C9orf85: variants seen among roughly 807,000 people sequenced by gnomAD.
The protein encoded by C9orf85 is uncharacterized protein C9orf85.
C9orf85 carries 16 observed loss-of-function variants against 14.9 expected under a neutral mutation model. That is an observed-to-expected ratio of 1.08 (90% CI 0.73 to 1.63). The LOEUF (loss-of-function observed/expected upper bound fraction) is 1.63. Ranked by LOEUF, C9orf85 falls within the 40% of genes most tolerant of loss-of-function variation. C9orf85 has a pLI of 0.00. For missense variants in C9orf85, 172 were observed against 186.1 expected, an observed-to-expected ratio of 0.92 and a Z score of 0.44; for synonymous variants, 45 against 56.8, an observed-to-expected ratio of 0.79 and a Z score of 0.93.
At chr9:71,957,744 T>C (rs1299428467) in intron 2 of C9orf85, among the ~76,000 whole-genome samples, 1 of 152,164 alleles carries the variant, frequency 6.6e-6, no homozygotes, top group African/African-American at 2.4e-5. Context: ...CCATTCCTCA[T>C]AAACACGGTA....
intron 1 of C9orf85, among the ~76,000 whole-genome samples, chr9:71,935,911 G>T (rs78484365): frequency 2.1e-5 from 2 of 94,828 alleles, no homozygotes; most frequent in African/African-American, 7.4e-5. Flanking sequence ...GGGAGAAACA[G>T]AAAAAAAATA....
At chr9:71,978,879 C>T (rs1361145184) in intron 3 of C9orf85, among the ~76,000 whole-genome samples, 1 of 152,034 alleles carries the variant, frequency 6.6e-6, no homozygotes, top group East Asian at 1.9e-4. Context: ...ACTAAAAATA[C>T]AAAAAATTAG....
At chr9:71,953,525 G>A (rs1289883641) in intron 2 of C9orf85, among the ~76,000 whole-genome samples, 3 of 152,134 alleles carry the variant, frequency 2.0e-5, no homozygotes, top group African/African-American at 7.2e-5. Context: ...CATGTCATGA[G>A]GATGCTTTAT....
Position 71,973,081 on chromosome 9 carries a change from A to C in C9orf85, c.*239A>C. ...GATTGCTTGAACCCTGGAGGCGGAG[A>C]TTGAAGTGAGCTGAGTTCGTGCCAT... On this transcript the variant is annotated 3_prime_UTR_variant, in exon 4 of 4. Coordinates refer to ENST00000334731, the MANE Select transcript of C9orf85 (RefSeq NM_182505.5). 5.0e-6 allele frequency: 1 copy of C among 199,574 alleles called. No homozygotes were observed. Among genetic ancestry groups the C allele is most frequent in the African/African-American group, 2.3e-5 (1 of 43,178 alleles). The allele number at this position is 199,574 out of a possible 1,614,324, so 12.4% of individuals were successfully genotyped here. A position where few individuals can be genotyped will look rare whatever the true frequency, so the allele number is the denominator to read the frequency against.
intron 1 of C9orf85, chr9:71,912,065 C>T: frequency 3.9e-6 from 1 of 259,730 alleles, no homozygotes; most frequent in Non-Finnish European, 6.9e-6. Context: ...ACTAATTGCA[C>T]AGAGTGAACA....
downstream of C9orf85, chr9:71,984,073 C>A (rs963212381): frequency 4.6e-5 from 7 of 152,120 alleles, no homozygotes; most frequent in African/African-American, 1.7e-4. Flanking sequence ...GGTATTAGCC[C>A]GATTTTTCCT....
intron 2 of C9orf85, among the ~76,000 whole-genome samples, chr9:71,967,320 C>T (rs1589271393): frequency 6.6e-6 from 1 of 152,144 alleles, no homozygotes; most frequent in African/African-American, 2.4e-5. Flanking sequence ...TCTTGAAAAT[C>T]AGTTGGTCAT....
intron 1 of C9orf85, among the ~76,000 whole-genome samples, chr9:71,917,058 C>G (rs1827668256): frequency 6.6e-6 from 1 of 152,136 alleles, no homozygotes; most frequent in Admixed American, 6.6e-5. Context: ...TAGCACATGC[C>G]TCTTCATTGG....
chr9:71,916,900 C>A (rs912380152), intron 1 of C9orf85, among the ~76,000 whole-genome samples: 5 of 152,132 alleles, frequency 3.3e-5, no homozygotes, highest in Non-Finnish European at 7.3e-5. Flanking sequence ...GTATTAGGCA[C>A]TATGTTTAGG....
In C9orf85 at chr9:71,964,080, C is replaced by T. The variant is rs908277993; in HGVS notation, c.210-7425C>T. The stretch of plus-strand genomic sequence containing the variant: ...ACACCAATCAGCACCCTGTGTCTAG[C>T]TCAGGGTTTGTGAATGCACCAATCG... On this transcript the variant is annotated intron_variant, in intron 2 of 3. Coordinates refer to ENST00000334731, the MANE Select transcript of C9orf85 (RefSeq NM_182505.5). Among the ~76,000 whole-genome samples the T allele has an allele frequency of 1.3e-5, 2 of 152,084 alleles. 1 individual carries two copies. Among genetic ancestry groups the T allele is most frequent in the East Asian group, 3.9e-4 (2 of 5,172 alleles).
intron 3 of C9orf85, among the ~76,000 whole-genome samples, chr9:71,978,884 A>T (rs1286935706): frequency 6.6e-6 from 1 of 152,152 alleles, no homozygotes; most frequent in African/African-American, 2.4e-5. Context: ...AAATACAAAA[A>T]ATTAGCCGGG....
intron 2 of C9orf85, among the ~76,000 whole-genome samples, chr9:71,947,643 T>C (rs574928899): frequency 1.6e-4 from 24 of 152,144 alleles, no homozygotes; most frequent in African/African-American, 5.5e-4. Context: ...CTTTTTTTTT[T>C]TTCTTTCTTT....
chr9:71,912,891 A>T (rs1490644580), intron 1 of C9orf85, among the ~76,000 whole-genome samples: 2 of 152,038 alleles, frequency 1.3e-5, no homozygotes, highest in African/African-American at 2.4e-5. Context: ...AAAAACAAAA[A>T]CAAAAAACTA....
rs186745366 is a variant in C9orf85 at position 71,982,593 on chromosome 9, T to G, written c.324-64T>G. 8.8e-4 allele frequency: 344 copies of G among 392,736 alleles called. 4 individuals are homozygous for G. The highest frequency in any genetic ancestry group is 2.0e-3 in the South Asian group (108 of 53,084). The allele number at this position is 392,736 out of a possible 1,614,324, so 24.3% of individuals were successfully genotyped here. A position where few individuals can be genotyped will look rare whatever the true frequency, so the allele number is the denominator to read the frequency against. On this transcript the variant is annotated intron_variant, in intron 3 of 3. Coordinates refer to the C9orf85 transcript ENST00000377031. ...GCATTTTGATTTATTGTCATTCTAG[T>G]GTGTGTGAAGTCTCACTGTGGTTTT...
intron 1 of C9orf85, among the ~76,000 whole-genome samples, chr9:71,939,186 A>AAT (rs1210513160): frequency 4.6e-5 from 7 of 151,682 alleles, no homozygotes; most frequent in Non-Finnish European, 7.4e-5. Flanking sequence ...AGTAAAAAAT[A>AAT]ATATATATAT....
chr9:71,964,312 G>C (rs952220998), intron 2 of C9orf85, among the ~76,000 whole-genome samples: 3 of 152,022 alleles, frequency 2.0e-5, no homozygotes, highest in Non-Finnish European at 4.4e-5. Context: ...AAAGCAGGCT[G>C]CCCCAGCCAG....
intron 2 of C9orf85, among the ~76,000 whole-genome samples, chr9:71,971,180 C>T (rs1822851936): frequency 6.6e-6 from 1 of 151,986 alleles, no homozygotes; most frequent in Admixed American, 6.6e-5. Flanking sequence ...TGGATTTATT[C>T]CTTTATTCTT....
downstream of C9orf85, among the ~76,000 whole-genome samples, chr9:71,975,918 G>C: frequency 6.6e-6 from 1 of 152,152 alleles, no homozygotes; most frequent in East Asian, 1.9e-4. Flanking sequence ...TAACTTTTGT[G>C]ATTAAGGAGC....
intron 2 of C9orf85, among the ~76,000 whole-genome samples, chr9:71,963,067 A>C (rs1288266235): frequency 6.6e-6 from 1 of 152,176 alleles, no homozygotes; most frequent in African/African-American, 2.4e-5. Context: ...ACCAAAAAAA[A>C]AGGTTGTGTT....
Sources: gnomAD v4.1 joint callset for allele counts (sites outside exome capture counted in the v4.1 genomes callset) on GRCh38, gnomAD v4.1.1 for gene constraint, MANE v1.5 for transcripts, NCBI Gene and HGNC (gene_info 2026-07-23, HGNC 2026-07-21) for gene names.